The following ACOT1 variants were observed in gnomAD, a reference collection of about 807,000 sequenced individuals.
ACOT1 encodes the protein acyl-CoA thioesterase 1, also known as acyl-coenzyme A thioesterase 1.
A neutral mutation model predicts 15.7 loss-of-function variants in ACOT1; 8 were observed. That is an observed-to-expected ratio of 0.51 (90% CI 0.30 to 0.92). The LOEUF is 0.92. ACOT1 is among the 40% of genes least tolerant of loss of function. The pLI is 0.06. For missense variants in ACOT1, 151 were observed against 539.4 expected (o/e 0.28, Z 7.13); for synonymous variants, 67 against 241.2 (o/e 0.28, Z 6.69).
At chr14:73,500,250 CAAAA>C in the ACOT1 span, among the ~76,000 whole-genome samples, 182 of 149,092 alleles carry the variant, frequency 1.2e-3, 1 homozygote, top group African/African-American at 4.0e-3. Context: ...AACAAACAAA[CAAAA>C]AAACCATGAG....
At chr14:73,516,482 G>A in the ACOT1 span, among the ~76,000 whole-genome samples, 16 of 141,690 alleles carry the variant, frequency 1.1e-4, no homozygotes, top group Non-Finnish European at 2.3e-4. Context: ...ATGGATTTGC[G>A]GTGAGCAAGT....
chr14:73,538,079 T>A lies in ACOT1; in HGVS notation c.457+201T>A, dbSNP rs1299890976. On this transcript the variant is annotated intron_variant, in intron 1 of 2. Coordinates refer to ENST00000311148, the MANE Select transcript of ACOT1 (RefSeq NM_001037161.2). ...TGGACCCAAGCTATCCTCCCGCCTCTGCCTCCCCAAGAGCTAGGATTGCAG... is the reference window on the plus strand; with the variant it reads ...TGGACCCAAGCTATCCTCCCGCCTCAGCCTCCCCAAGAGCTAGGATTGCAG... Among the ~76,000 whole-genome samples the A allele has an allele frequency of 2.7e-5, 3 of 111,090 alleles. 1 individual carries two copies. Among genetic ancestry groups the A allele is most frequent in the Non-Finnish European group, 5.8e-5 (3 of 51,434 alleles). The allele number at this position is 111,090 out of a possible 152,430, so 72.9% of individuals were successfully genotyped here.
the ACOT1 span, chr14:73,520,972 T>C: frequency 1.2e-6 from 2 of 1,613,900 alleles, no homozygotes; most frequent in Admixed American, 1.7e-5. Context: ...TTTTCATGGA[T>C]ATCCTCAGTG....
the ACOT1 span, chr14:73,496,734 T>C: frequency 1.0e-6 from 1 of 965,224 alleles, no homozygotes; most frequent in South Asian, 1.3e-5. Flanking sequence ...TAAAAAAGTA[T>C]GGGGGTAGAA....
At chr14:73,508,117 C>T in the ACOT1 span, 36 of 1,611,796 alleles carry the variant, frequency 2.2e-5, no homozygotes, top group South Asian at 1.1e-4. Flanking sequence ...GTGTCTGACC[C>T]GGTAATGGAC....
chr14:73,515,244 C>T, the ACOT1 span, among the ~76,000 whole-genome samples: 30 of 152,224 alleles, frequency 2.0e-4, no homozygotes, highest in African/African-American at 5.5e-4. Flanking sequence ...GCCTATTAGT[C>T]TCATGTTCTA....
At chr14:73,540,829 A>C (rs11623174) in intron 1 of ACOT1, among the ~76,000 whole-genome samples, 12,984 of 68,026 alleles carry the variant, frequency 0.19, 1,175 homozygotes, top group African/African-American at 0.38. Context: ...GCAACCTCCA[A>C]CTCCCGGGTT....
chr14:73,497,447 C>T, the ACOT1 span, among the ~76,000 whole-genome samples: 1 of 152,166 alleles, frequency 6.6e-6, no homozygotes, highest in Admixed American at 6.5e-5. Context: ...ATAATGTAGA[C>T]TATCACCTGC....
chr14:73,507,005 T>C, the ACOT1 span, among the ~76,000 whole-genome samples: 1 of 151,940 alleles, frequency 6.6e-6, no homozygotes, highest in Non-Finnish European at 1.5e-5. Context: ...TTTACCATGT[T>C]GGTGCCAGGC....
At chr14:73,512,077 A>T in the ACOT1 span, 2 of 1,614,012 alleles carry the variant, frequency 1.2e-6, no homozygotes, top group South Asian at 2.2e-5. Context: ...GATAGCTTTG[A>T]TCCGAACGTC....
At chr14:73,491,331 T>C in the ACOT1 span, 1 of 1,471,278 alleles carries the variant, frequency 6.8e-7, no homozygotes, top group East Asian at 2.9e-5. Context: ...CCCGCAGAGC[T>C]GCTGGAGGCC....
chr14:73,507,376 C>T, the ACOT1 span, among the ~76,000 whole-genome samples: 2 of 152,088 alleles, frequency 1.3e-5, no homozygotes, highest in Non-Finnish European at 2.9e-5. Context: ...GCTTATTCTA[C>T]GTTTACTTAT....
chr14:73,498,367 T>G, the ACOT1 span: 2 of 1,562,184 alleles, frequency 1.3e-6, no homozygotes, highest in Non-Finnish European at 1.7e-6. Flanking sequence ...GAGGGCAGCA[T>G]GTCACTGAAG....
upstream of ACOT1, among the ~76,000 whole-genome samples, chr14:73,533,663 G>C (rs1213246491): frequency 3.5e-5 from 4 of 113,296 alleles, 1 homozygote; most frequent in Non-Finnish European, 7.7e-5. Context: ...TGGGGGGACA[G>C]AGCAAGACTC....
chr14:73,514,009 C>T, the ACOT1 span: 1 of 1,611,672 alleles, frequency 6.2e-7, no homozygotes, highest in South Asian at 1.1e-5. Context: ...CGTACAGTAT[C>T]ACAGGACCTC....
the ACOT1 span, among the ~76,000 whole-genome samples, chr14:73,519,483 C>A: frequency 6.6e-6 from 1 of 152,182 alleles, no homozygotes; most frequent in African/African-American, 2.4e-5. Context: ...TGGTGGCTCA[C>A]ACCTGTAATC....
At chr14:73,516,791 C>T in the ACOT1 span, among the ~76,000 whole-genome samples, 20 of 152,310 alleles carry the variant, frequency 1.3e-4, no homozygotes, top group Non-Finnish European at 2.4e-4. Context: ...ATGAACCTTA[C>T]TGTGAACTGC....
the ACOT1 span, among the ~76,000 whole-genome samples, chr14:73,500,005 G>A: frequency 2.5e-4 from 38 of 152,224 alleles, no homozygotes; most frequent in Non-Finnish European, 2.6e-4. Flanking sequence ...CGAGGCGGGC[G>A]GATCACGAAG....
At chr14:73,504,076 C>CTT in the ACOT1 span, among the ~76,000 whole-genome samples, 6 of 127,738 alleles carry the variant, frequency 4.7e-5, no homozygotes, top group South Asian at 2.5e-4. Flanking sequence ...TTTTGCATTT[C>CTT]TTTTTTTTTT....
Sources: allele counts gnomAD v4.1 joint callset (sites outside exome capture counted in the v4.1 genomes callset), GRCh38; gene constraint gnomAD v4.1.1; transcripts MANE v1.5; gene names NCBI Gene and HGNC (gene_info 2026-07-23, HGNC 2026-07-21).